The following PIP5K1C variants were observed in gnomAD, a reference collection of about 807,000 sequenced individuals.
PIP5K1C encodes the protein phosphatidylinositol 4-phosphate 5-kinase type-1 gamma.
A neutral mutation model predicts 80.1 loss-of-function variants in PIP5K1C; 45 were observed. That is an observed-to-expected ratio of 0.56 (90% CI 0.44 to 0.72). The LOEUF (loss-of-function observed/expected upper bound fraction) is 0.72. PIP5K1C is among the 30% of genes least tolerant of loss of function. The pLI, the probability that PIP5K1C is intolerant of heterozygous loss-of-function variation, is 0.00. For missense variants in PIP5K1C, 753 were observed against 954.6 expected (o/e 0.79, Z 2.78); for synonymous variants, 498 against 420.1 (o/e 1.19, Z -2.27).
chr19:3,666,017 G>A (rs1210512825), intron 2 of PIP5K1C, among the ~76,000 whole-genome samples: 1 of 152,108 alleles, frequency 6.6e-6, no homozygotes, highest in Non-Finnish European at 1.5e-5. Flanking sequence ...CATTCTCCCA[G>A]GTGGCCGCCA....
In PIP5K1C at chr19:3,643,291, G is replaced by C; in HGVS notation, c.1601C>G (p.Ser534Cys). ...CTCCGAGGGGGACCGCTCAGGAATGGAGAGGGATGTGGATGACAGAGTCGT... is the reference window on the plus strand; with the variant it reads ...CTCCGAGGGGGACCGCTCAGGAATGCAGAGGGATGTGGATGACAGAGTCGT... The part of the protein sequence containing the change: ...IATTLSSTSL[S>C]IPERSPSETS... The change falls in exon 13 of 18, where the codon TCC (serine) becomes TGC (cysteine). Residue 534 changes from serine to cysteine, a missense_variant. Coordinates refer to ENST00000335312, the MANE Select transcript of PIP5K1C (RefSeq NM_012398.3). 3.1e-6 allele frequency: 5 copies of C among 1,614,028 alleles called. No homozygotes were observed. The highest frequency in any genetic ancestry group is 4.2e-6 in the Non-Finnish European group (5 of 1,179,972).
chr19:3,688,379 AG>A lies in PIP5K1C; in HGVS notation c.94+11917del, dbSNP rs913875763. Among the ~76,000 whole-genome samples, 2 of 152,022 alleles carry A rather than the reference AG, an allele frequency of 1.3e-5. No homozygotes were observed. Among genetic ancestry groups the A allele is most frequent in the Non-Finnish European group, 2.9e-5 (2 of 67,982 alleles). ...CAGGAGCTCCTGTTCCTCACCTGCG[AG>A]GGGGGGACGGCCTCTGGCCCCCTGC... On this transcript the variant is annotated intron_variant, in intron 1 of 17. Transcript: ENST00000335312. The surrounding 1 kb of genome is among the most constrained non-coding windows in gnomAD (Gnocchi z 5.3).
At chr19:3,663,437 C>T (rs1261845561) in intron 3 of PIP5K1C, among the ~76,000 whole-genome samples, 2 of 152,196 alleles carry the variant, frequency 1.3e-5, no homozygotes, top group African/African-American at 2.4e-5. Context: ...CGAGATGCCA[C>T]GGACAGAACA....
chr19:3,688,535 T>C lies in PIP5K1C; in HGVS notation c.94+11762A>G, dbSNP rs1009850274. Among the ~76,000 whole-genome samples, 2 of 152,130 alleles carry C rather than the reference T, an allele frequency of 1.3e-5. No homozygotes were observed. The highest frequency in any genetic ancestry group is 4.8e-5 in the African/African-American group (2 of 41,420). The stretch of plus-strand genomic sequence containing the variant: ...CGCCCCCTGGTTTCAACTCCTGCTG[T>C]GAGCACCTGGCCTTTCCCTGGTCCA... On this transcript the variant is annotated intron_variant, in intron 1 of 17. Coordinates refer to ENST00000335312, the MANE Select transcript of PIP5K1C (RefSeq NM_012398.3). The surrounding 1 kb of genome is among the most constrained non-coding windows in gnomAD (Gnocchi z 5.3).
intron 1 of PIP5K1C, among the ~76,000 whole-genome samples, chr19:3,693,197 C>A (rs185550072): frequency 2.4e-4 from 37 of 152,310 alleles, no homozygotes; most frequent in African/African-American, 8.7e-4. Flanking sequence ...GATGCCCGAA[C>A]CACACCCCAC....
chr19:3,684,238 A>AT (rs1157334103), intron 1 of PIP5K1C, among the ~76,000 whole-genome samples: 4 of 152,230 alleles, frequency 2.6e-5, no homozygotes, highest in African/African-American at 9.6e-5. Flanking sequence ...TCTTTGCCTT[A>AT]TAATTAGAGG....
At chr19:3,694,663 G>A (rs186350226) in intron 1 of PIP5K1C, among the ~76,000 whole-genome samples, 85 of 152,302 alleles carry the variant, frequency 5.6e-4, no homozygotes, top group East Asian at 1.2e-3. Context: ...CTCCCACCAC[G>A]TTGACTTCAC....
At chr19:3,667,505 G>A in intron 1 of PIP5K1C, 152 bp from the exon 2 acceptor site, 1 of 853,110 alleles carries the variant, frequency 1.2e-6, no homozygotes, top group Non-Finnish European at 2.0e-6. Context: ...TGAAGACATG[G>A]ACTGAGTGCG....
In PIP5K1C at chr19:3,631,236, G is replaced by C. The variant is rs187032009; in HGVS notation, c.*1931C>G. The C allele has an allele frequency of 6.6e-6, 1 of 152,310 alleles. No homozygotes were observed. The highest frequency in any genetic ancestry group is 2.4e-5 in the African/African-American group (1 of 41,472). 9.4% of individuals were successfully genotyped at this position (152,310 alleles called of 1,614,324 possible). On this transcript the variant is annotated 3_prime_UTR_variant, in exon 18 of 18. Transcript: ENST00000335312. ...CCCACAGGCTCTTGGCGTCTCTGGT[G>C]CCAGGGCTCTGGGCAGGGCGACTCG...
At chr19:3,663,972 C>T (rs1022043868) in intron 3 of PIP5K1C, among the ~76,000 whole-genome samples, 6 of 152,192 alleles carry the variant, frequency 3.9e-5, no homozygotes, top group East Asian at 1.9e-4. Context: ...AGCACCCGAG[C>T]GTCCATGACG....
intron 14 of PIP5K1C, among the ~76,000 whole-genome samples, chr19:3,642,628 C>T (rs1428033270): frequency 2.0e-5 from 3 of 152,006 alleles, no homozygotes; most frequent in East Asian, 1.9e-4. Flanking sequence ...GCGCATTTCA[C>T]GATATTCCCT....
chr19:3,660,237 G>T (rs545079955), intron 5 of PIP5K1C, among the ~76,000 whole-genome samples: 1 of 152,092 alleles, frequency 6.6e-6, no homozygotes, highest in African/African-American at 2.4e-5. Flanking sequence ...AAAATTAGCC[G>T]GGCGTGGTGG....
rs1014276547 is a variant in PIP5K1C, at chr19:3,696,863, G to A, written c.94+3434C>T. On this transcript the variant is annotated intron_variant, in intron 1 of 17. Coordinates refer to ENST00000335312, the MANE Select transcript of PIP5K1C (RefSeq NM_012398.3). The surrounding 1 kb of genome is among the most constrained non-coding windows in gnomAD (Gnocchi z 4.1). Reference sequence around the variant, plus strand: ...GAGGGCTGCGAGCAGAGGAGGGTCGGGACTCGGGCCGCTGGTTTTTAATGG... The same window carrying A: ...GAGGGCTGCGAGCAGAGGAGGGTCGAGACTCGGGCCGCTGGTTTTTAATGG... Among the ~76,000 whole-genome samples, 7 of 152,186 alleles carry A rather than the reference G, an allele frequency of 4.6e-5. No homozygotes were observed. Among genetic ancestry groups the A allele is most frequent in the African/African-American group, 1.4e-4 (6 of 41,444 alleles).
chr19:3,678,433 A>G (rs2035467570), intron 1 of PIP5K1C, among the ~76,000 whole-genome samples: 1 of 99,976 alleles, frequency 1.0e-5, no homozygotes, highest in African/African-American at 3.8e-5. Context: ...GGAGGGATGG[A>G]GGATGGAGAG....
intron 11 of PIP5K1C, 37 bp downstream of exon 11, chr19:3,645,937 A>C: frequency 5.9e-6 from 9 of 1,532,310 alleles, no homozygotes; most frequent in Non-Finnish European, 8.1e-6. Context: ...GGCCTTCCCC[A>C]GGGTCCCTCC....
At chr19:3,643,204 G>A (rs369900954) in intron 13 of PIP5K1C, 39 bp downstream of exon 13, 40 of 1,609,192 alleles carry the variant, frequency 2.5e-5, no homozygotes, top group African/African-American at 4.0e-5. Context: ...CACGCACAGC[G>A]GATGCCCCGC....
At chr19:3,668,952 C>T (rs1046378429) in intron 1 of PIP5K1C, among the ~76,000 whole-genome samples, 4 of 152,184 alleles carry the variant, frequency 2.6e-5, no homozygotes, top group South Asian at 2.1e-4. Flanking sequence ...AGGCGGGTAC[C>T]GAAGGGGAGT....
At chr19:3,655,865 C>G (rs887710494) in intron 6 of PIP5K1C, among the ~76,000 whole-genome samples, 2 of 152,222 alleles carry the variant, frequency 1.3e-5, no homozygotes, top group Admixed American at 6.5e-5. Context: ...CAGCCGCCGG[C>G]TCCTACTCCT....
intron 1 of PIP5K1C, among the ~76,000 whole-genome samples, chr19:3,691,832 G>A (rs1158107629): frequency 6.6e-6 from 1 of 152,162 alleles, no homozygotes; most frequent in Non-Finnish European, 1.5e-5. Flanking sequence ...AACCACCAAA[G>A]CCCCCAACAC....
Sources: gnomAD v4.1 joint callset for allele counts (sites outside exome capture counted in the v4.1 genomes callset) on GRCh38, gnomAD v4.1.1 for gene constraint, Gnocchi (gnomAD v3.1) non-coding constraint, MANE v1.5 for transcripts, NCBI Gene and HGNC (gene_info 2026-07-23, HGNC 2026-07-21) for gene names.